The following LSMEM1 variants were observed in gnomAD, a reference collection of about 807,000 sequenced individuals.
LSMEM1 encodes the protein leucine rich single-pass membrane protein 1.
In LSMEM1, 10 loss-of-function variants were observed where a neutral mutation model predicts 11.3. The ratio of observed to expected loss-of-function variants is 0.89; its 90% CI spans 0.55 to 1.50. The LOEUF is 1.50. LSMEM1 is among the 40% of genes most tolerant of loss of function. The pLI is 0.00. For missense variants in LSMEM1, 151 were observed against 152.9 expected, an observed-to-expected ratio of 0.99 and a Z score of 0.06; for synonymous variants, 65 against 59.3, an observed-to-expected ratio of 1.10 and a Z score of -0.44.
chr7:112,482,174 C>T (rs1796044885), intron 1 of LSMEM1, among the ~76,000 whole-genome samples: 1 of 123,300 alleles, frequency 8.1e-6, no homozygotes, highest in South Asian at 2.4e-4. Context: ...TGTTGCAGCT[C>T]ATTAAAAAAA....
chr7:112,487,597 C>T (rs1796158253), intron 3 of LSMEM1, among the ~76,000 whole-genome samples: 1 of 152,260 alleles, frequency 6.6e-6, no homozygotes, highest in Non-Finnish European at 1.5e-5. Context: ...ATATAACCTG[C>T]TTTGTCTGCT....
intron 1 of LSMEM1, among the ~76,000 whole-genome samples, chr7:112,482,620 A>G (rs73717575): frequency 0.013 from 1,939 of 152,056 alleles, 41 homozygotes; most frequent in African/African-American, 0.039. Flanking sequence ...GTATAAATGG[A>G]TGATAAAATA....
intron 2 of LSMEM1, among the ~76,000 whole-genome samples, chr7:112,485,393 A>C (rs1164095802): frequency 6.6e-6 from 1 of 151,972 alleles, no homozygotes; most frequent in Non-Finnish European, 1.5e-5. Flanking sequence ...AGGGTTGGAG[A>C]AAGGGGGTGG....
chr7:112,480,790 TC>T (rs1796016479), upstream of LSMEM1: 1 of 456,050 alleles, frequency 2.2e-6, no homozygotes, highest in African/African-American at 2.0e-5. Flanking sequence ...CCTGCCATCA[TC>T]CTTGTTATGA....
chr7:112,487,113 T>G, intron 3 of LSMEM1, 62 bp downstream of exon 3: 1 of 1,581,618 alleles, frequency 6.3e-7, no homozygotes, highest in Non-Finnish European at 8.6e-7. Flanking sequence ...GCTGGTTAAC[T>G]TTGCTCCCAC....
intron 2 of LSMEM1, 24 bp downstream of exon 2, chr7:112,484,967 G>T: frequency 6.3e-7 from 1 of 1,579,588 alleles, no homozygotes; most frequent in Non-Finnish European, 8.6e-7. Context: ...GGAAGGCACA[G>T]CAGCCCTTCC....
chr7:112,480,338 C>A (rs927443526), upstream of LSMEM1, among the ~76,000 whole-genome samples: 1 of 152,146 alleles, frequency 6.6e-6, no homozygotes, highest in South Asian at 2.1e-4. Flanking sequence ...CCACTGCGCT[C>A]CAGCCTGGGC....
intron 1 of LSMEM1, 114 bp from the exon 2 acceptor site, chr7:112,484,698 A>G: frequency 9.5e-7 from 1 of 1,049,880 alleles, no homozygotes; most frequent in East Asian, 2.7e-5. Context: ...AGTTGAAAAT[A>G]CTATTTGTGG....
At chr7:112,488,645 C>A (rs531011686) in intron 3 of LSMEM1, among the ~76,000 whole-genome samples, 1 of 151,926 alleles carries the variant, frequency 6.6e-6, no homozygotes, top group East Asian at 1.9e-4. Context: ...GTTGCCCAGG[C>A]TGGAGTGCAG....
Position 112,489,992 on chromosome 7 carries a change from T to C in LSMEM1, c.*43T>C. The C allele has an allele frequency of 6.3e-7, 1 of 1,589,844 alleles. No individual in the cohort carries two copies. The highest frequency in any genetic ancestry group is 8.5e-7 in the Non-Finnish European group (1 of 1,170,154). On this transcript the variant is annotated 3_prime_UTR_variant, in exon 4 of 4. Transcript: ENST00000312849. ...AGCACCTGCTAACACCTTGAGCTTT[T>C]TACTTTCCTGGGAGTGTACAGGGTT...
intron 3 of LSMEM1, among the ~76,000 whole-genome samples, chr7:112,487,396 T>A (rs1437678345): frequency 6.6e-6 from 1 of 152,264 alleles, no homozygotes; most frequent in Non-Finnish European, 1.5e-5. Context: ...ATTTCTCCAC[T>A]AAATTCAGAT....
At chr7:112,480,810 T>A (rs1796016842), upstream of LSMEM1, 1 of 456,168 alleles carries the variant, frequency 2.2e-6, no homozygotes, top group African/African-American at 2.0e-5. Context: ...GATGTCATAA[T>A]CATATTCTGT....
chr7:112,484,329 T>A (rs556201831), intron 1 of LSMEM1, among the ~76,000 whole-genome samples: 3 of 152,354 alleles, frequency 2.0e-5, no homozygotes, highest in South Asian at 4.1e-4. Flanking sequence ...ATGGTAATAT[T>A]CTCTTTTTTC....
intron 1 of LSMEM1, among the ~76,000 whole-genome samples, chr7:112,482,949 A>G (rs987838899): frequency 1.3e-5 from 2 of 152,084 alleles, no homozygotes; most frequent in African/African-American, 2.4e-5. Context: ...TTTAACCCTA[A>G]AAAAAATTTT....
At chr7:112,482,876 C>T (rs1796056509) in intron 1 of LSMEM1, among the ~76,000 whole-genome samples, 1 of 151,606 alleles carries the variant, frequency 6.6e-6, no homozygotes, top group South Asian at 2.1e-4. Flanking sequence ...TATCTGAAAA[C>T]TCAGGGAATT....
intron 3 of LSMEM1, among the ~76,000 whole-genome samples, chr7:112,487,816 A>G (rs1796164135): frequency 6.6e-6 from 1 of 152,222 alleles, no homozygotes; most frequent in South Asian, 2.1e-4. Context: ...CTCATCTGGA[A>G]TTATTTTGAT....
chr7:112,484,209 G>A (rs1012887719), intron 1 of LSMEM1, among the ~76,000 whole-genome samples: 1 of 152,200 alleles, frequency 6.6e-6, no homozygotes, highest in African/African-American at 2.4e-5. Flanking sequence ...CTCACAGTCA[G>A]CATCTTATGG....
At chr7:112,486,791 C>T in intron 2 of LSMEM1, 132 bp from the exon 3 acceptor site, 1 of 1,304,754 alleles carries the variant, frequency 7.7e-7, no homozygotes, top group East Asian at 2.4e-5. Flanking sequence ...AAAAGAGTCA[C>T]TTTCTAGGCT....
At position 112,489,852 on chromosome 7, in the gene LSMEM1, C is replaced by G; in HGVS notation, c.299C>G (p.Thr100Arg). Residue 100 changes from threonine (T) to arginine (R), a missense_variant, in exon 4 of 4, where the codon ACA becomes AGA. Transcript: ENST00000312849. ...NKMDDVSRRL[T>R]AEGKDIDDLK... ...ATGGATGATGTGTCAAGAAGACTAA[C>G]AGCTGAAGGAAAAGACATAGATGAT... is the stretch of plus-strand genomic sequence containing the variant. 1 of 1,613,950 alleles carries G rather than the reference C, an allele frequency of 6.2e-7. No homozygotes were observed.
Sources: gnomAD v4.1 joint callset for allele counts (sites outside exome capture counted in the v4.1 genomes callset) on GRCh38, gnomAD v4.1.1 for gene constraint, MANE v1.5 for transcripts, NCBI Gene and HGNC (gene_info 2026-07-23, HGNC 2026-07-21) for gene names.